RUNX2: variants seen among roughly 807,000 people sequenced by gnomAD.
The protein encoded by RUNX2 is runt-related transcription factor 2.
A neutral mutation model predicts 51.7 loss-of-function variants in RUNX2; 10 were observed. That is an observed-to-expected ratio of 0.19 (90% CI 0.12 to 0.33). The LOEUF (loss-of-function observed/expected upper bound fraction) is 0.33, where lower values mean the gene tolerates loss of function less well. Ranked by LOEUF, RUNX2 falls within the 10% of genes least tolerant of loss-of-function variation. The pLI, the probability that RUNX2 is intolerant of heterozygous loss-of-function variation, is 1.00. For synonymous variants in RUNX2, 276 were observed against 273.6 expected (o/e 1.01, Z -0.09); for missense variants, 562 against 691.3 (o/e 0.81, Z 2.10).
chr6:45,377,586 C>T (rs947302178), intron 2 of RUNX2, among the ~76,000 whole-genome samples: 2 of 152,118 alleles, frequency 1.3e-5, no homozygotes, highest in Admixed American at 6.5e-5. Context: ...CCTCCCACAG[C>T]CGCCCTCCCT....
At chr6:45,376,088 T>C (rs1016101965) in intron 2 of RUNX2, among the ~76,000 whole-genome samples, 7 of 152,208 alleles carry the variant, frequency 4.6e-5, no homozygotes, top group African/African-American at 1.4e-4. Flanking sequence ...AATCACAAAA[T>C]AGTACAATAA....
chr6:45,394,112 C>T (rs1582065971), intron 2 of RUNX2, among the ~76,000 whole-genome samples: 3 of 151,996 alleles, frequency 2.0e-5, no homozygotes, highest in Middle Eastern at 6.8e-3. Flanking sequence ...GGGATTTCAC[C>T]ATGTTGTTCA....
intron 2 of RUNX2, among the ~76,000 whole-genome samples, chr6:45,403,543 T>A (rs1157897317): frequency 6.6e-6 from 1 of 152,176 alleles, no homozygotes; most frequent in Non-Finnish European, 1.5e-5. Flanking sequence ...TGACTTTCCT[T>A]TTAATTAACA....
chr6:45,425,700 G>A (rs1798364490), intron 3 of RUNX2, among the ~76,000 whole-genome samples: 1 of 152,136 alleles, frequency 6.6e-6, no homozygotes, highest in Non-Finnish European at 1.5e-5. Context: ...TGGAATAAAA[G>A]CCTGAGAGCA....
At chr6:45,532,724 C>A (rs556956044) in intron 7 of RUNX2, among the ~76,000 whole-genome samples, 16 of 152,132 alleles carry the variant, frequency 1.1e-4, no homozygotes, top group Non-Finnish European at 2.2e-4. Flanking sequence ...TCTCTCCTGA[C>A]CAGTCACTGA....
intron 5 of RUNX2, among the ~76,000 whole-genome samples, chr6:45,486,552 CA>C (rs1800287381): frequency 1.3e-5 from 2 of 152,018 alleles, no homozygotes; most frequent in African/African-American, 4.8e-5. Flanking sequence ...AATACTACTC[CA>C]AAAAGATGAG....
At chr6:45,428,785 G>T (rs377280948) in intron 3 of RUNX2, among the ~76,000 whole-genome samples, 1 of 147,126 alleles carries the variant, frequency 6.8e-6, no homozygotes, top group East Asian at 2.0e-4. Flanking sequence ...AAAATATGCA[G>T]TAAAATAATA....
chr6:45,500,144 T>C (rs2150412470), intron 6 of RUNX2, among the ~76,000 whole-genome samples: 1 of 152,272 alleles, frequency 6.6e-6, no homozygotes, highest in African/African-American at 2.4e-5. Context: ...TGGTGGTATA[T>C]TTTCACACTA....
intron 2 of RUNX2, among the ~76,000 whole-genome samples, chr6:45,404,391 G>A (rs1797789995): frequency 6.6e-6 from 1 of 151,884 alleles, no homozygotes; most frequent in Non-Finnish European, 1.5e-5. Flanking sequence ...CCTGCTCTAG[G>A]ATGTCTCCAT....
Position 45,522,877 on chromosome 6 carries a change from G to A in RUNX2, c.1021+10470G>A, listed in dbSNP as rs563241593. On this transcript the variant is annotated intron_variant, in intron 7 of 8. Transcript: ENST00000647337. Reference sequence around the variant, plus strand: ...TAGATCTAGAAGTAAGATTCTATAGGAGACTAAGACAATTTCTGTTTACCT... The same window carrying A: ...TAGATCTAGAAGTAAGATTCTATAGAAGACTAAGACAATTTCTGTTTACCT... Among the ~76,000 whole-genome samples the A allele has an allele frequency of 6.6e-5, 10 of 152,288 alleles. No individual in the cohort carries two copies. In the East Asian group the frequency reaches 1.7e-3, roughly 26 times the overall value.
intron 7 of RUNX2, among the ~76,000 whole-genome samples, chr6:45,544,983 C>T (rs1325439192): frequency 1.3e-5 from 2 of 152,160 alleles, no homozygotes; most frequent in East Asian, 3.8e-4. Context: ...ACTGCCTGGG[C>T]TGTCAGTTTT....
chr6:45,363,674 A>C (rs1272513708), intron 2 of RUNX2, among the ~76,000 whole-genome samples: 1 of 152,052 alleles, frequency 6.6e-6, no homozygotes, highest in Non-Finnish European at 1.5e-5. Flanking sequence ...ATAATGAAAA[A>C]AATTAAACTA....
intron 2 of RUNX2, among the ~76,000 whole-genome samples, chr6:45,413,371 A>C (rs2150357651): frequency 6.6e-6 from 1 of 151,894 alleles, no homozygotes; most frequent in East Asian, 1.9e-4. Context: ...GAAGGTCAAA[A>C]TTCTGTTATA....
chr6:45,450,786 C>A (rs913895133), intron 5 of RUNX2, among the ~76,000 whole-genome samples: 10 of 152,178 alleles, frequency 6.6e-5, no homozygotes, highest in African/African-American at 1.9e-4. Flanking sequence ...AATCTAATAT[C>A]TAATTTTGCA....
intron 6 of RUNX2, among the ~76,000 whole-genome samples, chr6:45,497,307 G>C (rs1446346977): frequency 2.0e-5 from 3 of 152,100 alleles, no homozygotes; most frequent in Non-Finnish European, 4.4e-5. Context: ...CTGGAAGGAA[G>C]TGCACAGGAT....
intron 2 of RUNX2, among the ~76,000 whole-genome samples, chr6:45,336,877 G>C (rs965639087): frequency 6.6e-6 from 1 of 151,282 alleles, no homozygotes; most frequent in Non-Finnish European, 1.5e-5. Flanking sequence ...TTTTGATCCA[G>C]AAACATCTTA....
At chr6:45,501,232 TATCCCAAG>T (rs1162841350) in intron 6 of RUNX2, among the ~76,000 whole-genome samples, 1 of 152,364 alleles carries the variant, frequency 6.6e-6, no homozygotes, top group South Asian at 2.1e-4. Context: ...TCTGTTAATA[TATCCCAAG>T]TTTGTGTTAA....
At chr6:45,331,591 T>C (rs77404483) in intron 2 of RUNX2, among the ~76,000 whole-genome samples, 3,094 of 152,082 alleles carry the variant, frequency 0.02, 43 homozygotes, top group Non-Finnish European at 0.032. Context: ...CAAAGACTCA[T>C]ATAAATTATT....
At chr6:45,351,548 G>A (rs1792056790) in intron 2 of RUNX2, among the ~76,000 whole-genome samples, 1 of 152,152 alleles carries the variant, frequency 6.6e-6, no homozygotes, top group African/African-American at 2.4e-5. Flanking sequence ...CCAGGACGAT[G>A]AGATTTCCAA....
Sources: allele counts gnomAD v4.1 joint callset (sites outside exome capture counted in the v4.1 genomes callset), GRCh38; gene constraint gnomAD v4.1.1; transcripts MANE v1.5; gene names NCBI Gene and HGNC (gene_info 2026-07-23, HGNC 2026-07-21).